NPSR1: variants seen among roughly 807,000 people sequenced by gnomAD.
The protein encoded by NPSR1 is neuropeptide S receptor.
Under a neutral mutation model 46.9 loss-of-function variants are expected in NPSR1, and 48 were observed. The observed-to-expected ratio is 1.02, with a 90% CI of 0.81 to 1.30. The LOEUF (loss-of-function observed/expected upper bound fraction) is 1.30, where lower values mean the gene tolerates loss of function less well. NPSR1 is among the 50% of genes most tolerant of loss of function. The pLI is 0.00. For missense variants in NPSR1, 450 were observed against 449.5 expected (o/e 1.00, Z -0.01); for synonymous variants, 176 against 168.1 (o/e 1.05, Z -0.36).
intron 4 of NPSR1, among the ~76,000 whole-genome samples, chr7:34,820,394 G>C (rs2128753410): frequency 2.0e-5 from 3 of 152,278 alleles, no homozygotes; most frequent in Admixed American, 2.0e-4. Context: ...GTTGAGACCT[G>C]TACCAAGTTT....
chr7:34,859,296 T>C (rs1044487968), intron 8 of NPSR1, among the ~76,000 whole-genome samples: 3 of 151,772 alleles, frequency 2.0e-5, no homozygotes, highest in Non-Finnish European at 2.9e-5. Flanking sequence ...TTCTGTTCTC[T>C]TCTTGCCTGC....
At chr7:34,724,996 C>A (rs1186149984) in intron 2 of NPSR1, among the ~76,000 whole-genome samples, 1 of 151,862 alleles carries the variant, frequency 6.6e-6, no homozygotes, top group Non-Finnish European at 1.5e-5. Context: ...CAAAGTGTTA[C>A]CAAGCTACCC....
intron 2 of NPSR1, among the ~76,000 whole-genome samples, chr7:34,748,563 C>T (rs1469236473): frequency 6.6e-6 from 1 of 152,162 alleles, no homozygotes; most frequent in Non-Finnish European, 1.5e-5. Context: ...GCCATACAAC[C>T]GGGAATTCCT....
At chr7:34,855,471 A>G (rs1025093077) in intron 8 of NPSR1, among the ~76,000 whole-genome samples, 2 of 152,158 alleles carry the variant, frequency 1.3e-5, no homozygotes, top group African/African-American at 4.8e-5. Context: ...GATCAAGCTT[A>G]TGTCAAAACA....
At chr7:34,819,909 C>T (rs564739944) in intron 4 of NPSR1, among the ~76,000 whole-genome samples, 17 of 152,110 alleles carry the variant, frequency 1.1e-4, no homozygotes, top group South Asian at 2.1e-4. Flanking sequence ...CATCAGACAC[C>T]GGGGCCTGTC....
rs796395529 is a variant in NPSR1, at chr7:34,665,649, GCTAA to G, written c.147+7092_147+7095del. Among the ~76,000 whole-genome samples, 30 of 152,094 alleles carry G rather than the reference GCTAA, an allele frequency of 2.0e-4. No homozygotes were observed. The South Asian group carries it at 3.1e-3, about 16-fold the overall frequency. On this transcript the variant is annotated intron_variant, in intron 1 of 8. Transcript: ENST00000360581. ...TCACACCTTTTTCTTCTGATATCACGCTAACCTCAATTGCCTTCTCTTCTAGGAA... is the reference window on the plus strand; with the variant it reads ...TCACACCTTTTTCTTCTGATATCACGCCTCAATTGCCTTCTCTTCTAGGAA...
chr7:34,822,359 G>A (rs1242593138), intron 4 of NPSR1, among the ~76,000 whole-genome samples: 1 of 152,158 alleles, frequency 6.6e-6, no homozygotes, highest in Non-Finnish European at 1.5e-5. Flanking sequence ...GAAACCAGGA[G>A]GGAGTCAAAT....
intron 2 of NPSR1, among the ~76,000 whole-genome samples, chr7:34,712,987 T>C (rs186689049): frequency 6.6e-6 from 1 of 152,214 alleles, no homozygotes. Context: ...GGGGGAAAAG[T>C]CCTCTACATT....
intron 4 of NPSR1, among the ~76,000 whole-genome samples, chr7:34,824,618 C>A (rs1383518385): frequency 1.3e-5 from 2 of 152,148 alleles, no homozygotes; most frequent in Non-Finnish European, 2.9e-5. Context: ...TCTTCGGAGA[C>A]CTTGGTAGAA....
At chr7:34,784,546 G>T (rs966285477) in intron 3 of NPSR1, among the ~76,000 whole-genome samples, 5 of 152,100 alleles carry the variant, frequency 3.3e-5, no homozygotes, top group African/African-American at 1.2e-4. Context: ...ACTTGATCAT[G>T]GTGGATAAGC....
intron 6 of NPSR1, among the ~76,000 whole-genome samples, chr7:34,838,824 T>C (rs879280544): frequency 2.6e-5 from 4 of 152,250 alleles, no homozygotes; most frequent in South Asian, 4.1e-4. Flanking sequence ...CTTTCATAAA[T>C]GAGCATATTA....
chr7:34,802,245 C>T (rs1187711399), intron 3 of NPSR1, among the ~76,000 whole-genome samples: 5 of 150,294 alleles, frequency 3.3e-5, no homozygotes, highest in African/African-American at 1.3e-4. Context: ...CAAAAAAGAG[C>T]TCACATCGCG....
intron 4 of NPSR1, among the ~76,000 whole-genome samples, 170 bp downstream of exon 4, chr7:34,812,033 T>C (rs1789011068): frequency 6.6e-6 from 1 of 152,186 alleles, no homozygotes; most frequent in Non-Finnish European, 1.5e-5. Context: ...ATGGGTCTGA[T>C]TGTCTAAAAA....
At chr7:34,736,067 A>G (rs927827316) in intron 2 of NPSR1, among the ~76,000 whole-genome samples, 4 of 152,280 alleles carry the variant, frequency 2.6e-5, no homozygotes, top group African/African-American at 9.6e-5. Flanking sequence ...AACATATAAG[A>G]TTGTCATCTC....
At position 34,743,426 on chromosome 7, in the gene NPSR1, TTCTC is replaced by T. The variant is rs953695813; in HGVS notation, c.281-35026_281-35023del. Among the ~76,000 whole-genome samples the T allele has an allele frequency of 3.3e-5, 5 of 151,412 alleles. No individual in the cohort carries two copies. In the South Asian group the frequency reaches 6.3e-4, roughly 19 times the overall value. On this transcript the variant is annotated intron_variant, in intron 2 of 8. Transcript: ENST00000360581. ...AGGAGTCTTTTCCCCATGACTTGTT[TTCTC>T]TCTCTCTCTGTCTTCTTTTTTTTTT...
chr7:34,761,011 A>C (rs996728009), intron 2 of NPSR1: 2 of 152,650 alleles, frequency 1.3e-5, no homozygotes, highest in Non-Finnish European at 2.9e-5. Context: ...TTTAGTTTTG[A>C]ATAAATGGGA....
At chr7:34,829,055 C>G (rs546027775) in intron 5 of NPSR1, among the ~76,000 whole-genome samples, 1 of 152,248 alleles carries the variant, frequency 6.6e-6, no homozygotes, top group East Asian at 1.9e-4. Flanking sequence ...CAAGTGTTTT[C>G]TGATACAGTG....
rs529575591 is a variant in NPSR1, at chr7:34,846,613, A to G, written c.844+1631A>G. On this transcript the variant is annotated intron_variant, in intron 7 of 8. Transcript: ENST00000360581. ...GTAGTCACACCTACACCGTGACATAATAACAGCCACAATGAAAACCAATAC... is the reference window on the plus strand; with the variant it reads ...GTAGTCACACCTACACCGTGACATAGTAACAGCCACAATGAAAACCAATAC... Among the ~76,000 whole-genome samples the G allele has an allele frequency of 7.9e-5, 12 of 152,336 alleles. No individual in the cohort carries two copies. In the South Asian group the frequency reaches 2.3e-3, roughly 29 times the overall value.
intron 8 of NPSR1, among the ~76,000 whole-genome samples, chr7:34,869,606 C>T (rs138240418): frequency 2.0e-5 from 3 of 151,736 alleles, no homozygotes; most frequent in Non-Finnish European, 2.9e-5. Context: ...ACCCTTGGGG[C>T]GAAAGTCTAC....
Sources: allele counts gnomAD v4.1 joint callset (sites outside exome capture counted in the v4.1 genomes callset), GRCh38; gene constraint gnomAD v4.1.1; transcripts MANE v1.5; gene names NCBI Gene and HGNC (gene_info 2026-07-23, HGNC 2026-07-21).